GM2A: variants seen among roughly 807,000 people sequenced by gnomAD.
The protein encoded by GM2A is ganglioside GM2 activator.
A neutral mutation model predicts 12.9 loss-of-function variants in GM2A; 7 were observed. The observed-to-expected ratio is 0.54, with a 90% CI of 0.31 to 1.02. GM2A has a LOEUF of 1.02. Among genes scored for constraint, GM2A ranks in the 50% least tolerant of loss-of-function variants. The pLI, the probability that GM2A is intolerant of heterozygous loss-of-function variation, is 0.05. For synonymous variants in GM2A, 101 were observed against 96.0 expected (o/e 1.05, Z -0.30); for missense variants, 246 against 241.0 (o/e 1.02, Z -0.14).
intron 2 of GM2A, among the ~76,000 whole-genome samples, chr5:151,266,114 G>T (rs1753880838): frequency 6.6e-6 from 1 of 152,194 alleles, no homozygotes; most frequent in Admixed American, 6.5e-5. Context: ...TAACCAATTA[G>T]CAGTTAGATG....
chr5:151,259,395 G>A (rs923403898), intron 1 of GM2A, among the ~76,000 whole-genome samples: 1 of 152,200 alleles, frequency 6.6e-6, no homozygotes, highest in Admixed American at 6.5e-5. Context: ...GGGATTCCAA[G>A]GCTGGCTGGA....
chr5:151,262,896 C>G (rs1156938610), intron 2 of GM2A, among the ~76,000 whole-genome samples: 1 of 152,172 alleles, frequency 6.6e-6, no homozygotes, highest in Non-Finnish European at 1.5e-5. Context: ...CAAACCCGCT[C>G]TTCTGCCCTC....
Position 151,269,828 on chromosome 5 carries a change from G to A in GM2A, c.*2377G>A. On this transcript the variant is annotated 3_prime_UTR_variant, in exon 4 of 4. Coordinates refer to ENST00000357164, the MANE Select transcript of GM2A (RefSeq NM_000405.5). ...AGTCCTCTCACCGAGGTGCCCCATG[G>A]CAGTCTTCTGCAGCATTCTTCTAAT... 1 of 267,586 alleles carries A rather than the reference G, an allele frequency of 3.7e-6. No homozygotes were observed. Among genetic ancestry groups the A allele is most frequent in the Non-Finnish European group, 6.0e-6 (1 of 166,564 alleles). The allele number at this position is 267,586 out of a possible 1,614,324, so 16.6% of individuals were successfully genotyped here.
intron 2 of GM2A, among the ~76,000 whole-genome samples, chr5:151,260,434 A>G (rs1012721196): frequency 6.6e-6 from 1 of 152,162 alleles, no homozygotes; most frequent in Non-Finnish European, 1.5e-5. Context: ...CCTGGCCAAC[A>G]TAGTGAAACC....
rs186626408 is a variant in GM2A at position 151,268,275 on chromosome 5, C to A, written c.*824C>A. On this transcript the variant is annotated 3_prime_UTR_variant, in exon 4 of 4. Transcript: ENST00000357164. ...GGTTCAAGCAATTCTCCTGCCTCAG[C>A]CTCCCAAGTAGCTTGGACTACAGGC... 2.9e-3 allele frequency: 1,262 copies of A among 428,660 alleles called. 10 individuals carry two copies. Among genetic ancestry groups the A allele is most frequent in the African/African-American group, 0.025 (1,184 of 46,530 alleles). The allele number at this position is 428,660 out of a possible 1,614,324, so 26.6% of individuals were successfully genotyped here. A position where few individuals can be genotyped will look rare whatever the true frequency, so the allele number is the denominator to read the frequency against.
chr5:151,264,693 G>C (rs1184391669), intron 2 of GM2A, among the ~76,000 whole-genome samples: 1 of 152,108 alleles, frequency 6.6e-6, no homozygotes, highest in Non-Finnish European at 1.5e-5. Context: ...TTGAAGATGA[G>C]GCGAGGCTGG....
chr5:151,268,803 G>T lies in GM2A; in HGVS notation c.*1352G>T. 2 of 865,124 alleles carry T rather than the reference G, an allele frequency of 2.3e-6. No homozygotes were observed. The highest frequency in any genetic ancestry group is 2.8e-6 in the Non-Finnish European group (2 of 720,230). 53.6% of individuals were successfully genotyped at this position (865,124 alleles called of 1,614,324 possible). ...TTTAAAAAGCTGTGCAGTGTGATGTGTCCCAAACGGACTGGCTCATGGGTG... is the reference window on the plus strand; with the variant it reads ...TTTAAAAAGCTGTGCAGTGTGATGTTTCCCAAACGGACTGGCTCATGGGTG... On this transcript the variant is annotated 3_prime_UTR_variant, in exon 4 of 4. Transcript: ENST00000357164.
At chr5:151,259,953 G>C in intron 2 of GM2A, 37 bp downstream of exon 2, 12 of 1,577,032 alleles carry the variant, frequency 7.6e-6, no homozygotes, top group East Asian at 2.2e-5. Flanking sequence ...GGAGGTGCGA[G>C]GGTCTGGCCA....
chr5:151,258,499 C>A (rs1753733909), intron 1 of GM2A, among the ~76,000 whole-genome samples: 1 of 152,208 alleles, frequency 6.6e-6, no homozygotes, highest in Non-Finnish European at 1.5e-5. Flanking sequence ...CAAAGCCATG[C>A]CCTTCACTGC....
Position 151,267,614 on chromosome 5 carries a change from A to G in GM2A, c.*163A>G. 2.0e-6 allele frequency: 3 copies of G among 1,526,598 alleles called. No individual in the cohort carries two copies. Among genetic ancestry groups the G allele is most frequent in the Non-Finnish European group, 2.6e-6 (3 of 1,140,108 alleles). The allele number at this position is 1,526,598 out of a possible 1,614,324, so 94.6% of individuals were successfully genotyped here. On this transcript the variant is annotated 3_prime_UTR_variant, in exon 4 of 4. Transcript: ENST00000357164. Reference sequence around the variant, plus strand: ...AATCATTTTGTACCACTTACATTTTAGGCTGGGGCAAGCAGCCCTGACCTA... The same window carrying G: ...AATCATTTTGTACCACTTACATTTTGGGCTGGGGCAAGCAGCCCTGACCTA...
In GM2A at chr5:151,264,328, T is replaced by C. The variant is rs573875336; in HGVS notation, c.244-2403T>C. Among the ~76,000 whole-genome samples the C allele has an allele frequency of 3.3e-4, 50 of 152,222 alleles. 1 individual carries two copies. The highest frequency in any genetic ancestry group is 3.4e-3 in the Middle Eastern group (1 of 294). Reference sequence around the variant, plus strand: ...CCTTAGAACCCTCTGTTGACTTCAGTTCAGTACACTTCTTGTGTCGTGCTG... The same window carrying C: ...CCTTAGAACCCTCTGTTGACTTCAGCTCAGTACACTTCTTGTGTCGTGCTG... On this transcript the variant is annotated intron_variant, in intron 2 of 3. Coordinates refer to ENST00000357164, the MANE Select transcript of GM2A (RefSeq NM_000405.5).
chr5:151,253,322 C>T, intron 1 of GM2A, 25 bp downstream of exon 1: 1 of 1,555,088 alleles, frequency 6.4e-7, no homozygotes, highest in South Asian at 1.1e-5. Context: ...TTTTAAGAGT[C>T]TGTTTGCAGC....
intron 2 of GM2A, among the ~76,000 whole-genome samples, chr5:151,262,906 C>T (rs1009381674): frequency 2.0e-5 from 3 of 152,162 alleles, no homozygotes; most frequent in Non-Finnish European, 1.5e-5. Flanking sequence ...CTTCTGCCCT[C>T]AGCCTGCTTT....
In GM2A at chr5:151,268,765, A is replaced by G. The variant is rs1016123303; in HGVS notation, c.*1314A>G. ...AATCTTACCATTTTAAAAGATTGGC[A>G]GCTAATTATTTTTTTAAAAAGCTGT... On this transcript the variant is annotated 3_prime_UTR_variant, in exon 4 of 4. Coordinates refer to ENST00000357164, the MANE Select transcript of GM2A (RefSeq NM_000405.5). The G allele has an allele frequency of 3.0e-6, 2 of 669,364 alleles. No individual in the cohort carries two copies. Among genetic ancestry groups the G allele is most frequent in the Non-Finnish European group, 3.7e-6 (2 of 541,448 alleles). 41.5% of individuals were successfully genotyped at this position (669,364 alleles called of 1,614,324 possible).
chr5:151,268,792 C>T lies in GM2A; in HGVS notation c.*1341C>T, dbSNP rs1753949747. ...CTAATTATTTTTTTAAAAAGCTGTG[C>T]AGTGTGATGTGTCCCAAACGGACTG... is the stretch of plus-strand genomic sequence containing the variant. On this transcript the variant is annotated 3_prime_UTR_variant, in exon 4 of 4. Coordinates refer to ENST00000357164, the MANE Select transcript of GM2A (RefSeq NM_000405.5). 2.7e-6 allele frequency: 2 copies of T among 745,804 alleles called. No individual in the cohort carries two copies. The highest frequency in any genetic ancestry group is 3.3e-6 in the Non-Finnish European group (2 of 611,392). 46.2% of individuals were successfully genotyped at this position (745,804 alleles called of 1,614,324 possible). A position where few individuals can be genotyped will look rare whatever the true frequency, so the allele number is the denominator to read the frequency against.
chr5:151,253,401 T>C, intron 1 of GM2A, 104 bp downstream of exon 1: 1 of 793,272 alleles, frequency 1.3e-6, no homozygotes, highest in South Asian at 1.4e-5. Flanking sequence ...TCTCTAGAAT[T>C]GGTTCTCTGC....
chr5:151,266,918 G>A lies in GM2A; in HGVS notation c.426+5G>A. 6.2e-7 allele frequency: 1 copy of A among 1,610,538 alleles called. No individual in the cohort carries two copies. The highest frequency in any genetic ancestry group is 8.5e-7 in the Non-Finnish European group (1 of 1,176,886). ...TGCCACTGTCCCTTCAAAGAAGTAA[G>A]TACTTAGGGAGGAGAGAGCGTTACC... On this transcript the variant is annotated splice_donor_5th_base_variant and intron_variant, in intron 3 of 3. Coordinates refer to ENST00000357164, the MANE Select transcript of GM2A (RefSeq NM_000405.5).
rs1371425467 is a variant in GM2A, at chr5:151,267,351, G to C, written c.482G>C (p.Ser161Thr). The C allele has an allele frequency of 1.2e-6, 2 of 1,614,128 alleles. No individual in the cohort carries two copies. The highest frequency in any genetic ancestry group is 1.7e-6 in the Non-Finnish European group (2 of 1,180,014). The change falls in exon 4 of 4, where the codon AGT becomes ACT. Residue 161 changes from serine (S) to threonine (T), a missense_variant. Physicochemically the swap from Ser to Thr is moderately conservative, Grantham distance 58 (BLOSUM62 1). Coordinates refer to ENST00000357164, the MANE Select transcript of GM2A (RefSeq NM_000405.5). ...GTTGTGCCTGACCTGGAGCTGCCCA[G>C]TTGGCTCACCACCGGGAACTACCGC... is the stretch of plus-strand genomic sequence containing the variant. ...EFVVPDLELPSWLTTGNYRIE... is the reference protein window; with the variant it reads ...EFVVPDLELPTWLTTGNYRIE...
chr5:151,265,575 AC>A (rs1484877447), intron 2 of GM2A, among the ~76,000 whole-genome samples: 3 of 152,296 alleles, frequency 2.0e-5, no homozygotes, highest in African/African-American at 7.2e-5. Context: ...TTCCCTTGAT[AC>A]CTTTGGTGGG....
Sources: allele counts gnomAD v4.1 joint callset (sites outside exome capture counted in the v4.1 genomes callset), GRCh38; gene constraint gnomAD v4.1.1; transcripts MANE v1.5; gene names NCBI Gene and HGNC (gene_info 2026-07-23, HGNC 2026-07-21).